Variants in GALNTL6 observed in about 807,000 individuals in gnomAD.
GALNTL6 encodes polypeptide N-acetylgalactosaminyltransferase-like 6.
A neutral mutation model predicts 73.7 loss-of-function variants in GALNTL6; 46 were observed. That is an observed-to-expected ratio of 0.62 (90% CI 0.49 to 0.80). GALNTL6 has a LOEUF of 0.80. Among genes scored for constraint, GALNTL6 ranks in the 30% least tolerant of loss-of-function variants. The pLI is 0.00. For missense variants in GALNTL6, 604 were observed against 755.0 expected, an observed-to-expected ratio of 0.80 and a Z score of 2.34; for synonymous variants, 259 against 263.7, an observed-to-expected ratio of 0.98 and a Z score of 0.17.
At chr4:172,740,400 G>A (rs999190754) in intron 5 of GALNTL6, among the ~76,000 whole-genome samples, 7 of 152,188 alleles carry the variant, frequency 4.6e-5, no homozygotes, top group African/African-American at 1.7e-4. Context: ...TTTGTGAAAA[G>A]TCATCGTGTT....
intron 5 of GALNTL6, among the ~76,000 whole-genome samples, chr4:172,627,436 G>A (rs1468198228): frequency 1.3e-5 from 2 of 151,766 alleles, no homozygotes; most frequent in Admixed American, 1.3e-4. Context: ...TTATCGGGAT[G>A]TTGGCCTGTG....
At chr4:172,908,261 G>A (rs1033093663) in intron 8 of GALNTL6, among the ~76,000 whole-genome samples, 1 of 152,140 alleles carries the variant, frequency 6.6e-6, no homozygotes. Context: ...CATGGAAAGA[G>A]AAGTCATGAA....
At chr4:172,349,549 T>A (rs1473468866) in intron 5 of GALNTL6, among the ~76,000 whole-genome samples, 2 of 152,256 alleles carry the variant, frequency 1.3e-5, no homozygotes, top group East Asian at 3.9e-4. Context: ...AACATCTTTT[T>A]TTCATAGTAT....
intron 2 of GALNTL6, among the ~76,000 whole-genome samples, chr4:172,039,068 A>G (rs1219236039): frequency 6.6e-6 from 1 of 152,118 alleles, no homozygotes; most frequent in African/African-American, 2.4e-5. Context: ...GGCTCCACTA[A>G]TTGTTCTATC....
chr4:172,883,096 C>A (rs1579606334), intron 8 of GALNTL6, among the ~76,000 whole-genome samples, 189 bp downstream of exon 8: 1 of 152,218 alleles, frequency 6.6e-6, no homozygotes, highest in South Asian at 2.1e-4. Flanking sequence ...GATATACAAT[C>A]ATTATACATA....
intron 4 of GALNTL6, among the ~76,000 whole-genome samples, chr4:172,338,788 G>A (rs1473194558): frequency 6.6e-6 from 1 of 152,160 alleles, no homozygotes; most frequent in Non-Finnish European, 1.5e-5. Flanking sequence ...TCTGCCTAAA[G>A]GTTACCTGAA....
chr4:172,990,039 C>T (rs533341011), intron 10 of GALNTL6, among the ~76,000 whole-genome samples: 1 of 152,290 alleles, frequency 6.6e-6, no homozygotes, highest in African/African-American at 2.4e-5. Context: ...AGGTCAGGAA[C>T]TCTGTACAGG....
chr4:171,836,787 T>C (rs1158621014), intron 2 of GALNTL6, among the ~76,000 whole-genome samples: 1 of 152,046 alleles, frequency 6.6e-6, no homozygotes, highest in East Asian at 1.9e-4. Flanking sequence ...TGATGGAAGA[T>C]GGTTTAAATA....
chr4:172,614,223 A>C (rs2111055719), intron 5 of GALNTL6, among the ~76,000 whole-genome samples: 1 of 152,232 alleles, frequency 6.6e-6, no homozygotes, highest in South Asian at 2.1e-4. Context: ...ATAGAGTGAT[A>C]GGTAGATAAC....
At chr4:171,907,173 G>T (rs1021843786) in intron 2 of GALNTL6, among the ~76,000 whole-genome samples, 1 of 151,896 alleles carries the variant, frequency 6.6e-6, no homozygotes, top group Non-Finnish European at 1.5e-5. Flanking sequence ...GGAAATAAAG[G>T]GTATTCAATT....
intron 9 of GALNTL6, among the ~76,000 whole-genome samples, chr4:172,933,084 A>C (rs569693014): frequency 3.3e-5 from 5 of 152,364 alleles, no homozygotes; most frequent in Admixed American, 2.6e-4. Context: ...AAGACATATG[A>C]ATCAGAAAAC....
intron 5 of GALNTL6, among the ~76,000 whole-genome samples, chr4:172,426,590 G>A (rs1731238520): frequency 6.6e-6 from 1 of 152,150 alleles, no homozygotes; most frequent in African/African-American, 2.4e-5. Context: ...GAAGAGAGAT[G>A]CTGAACAGAA....
intron 2 of GALNTL6, among the ~76,000 whole-genome samples, chr4:172,109,075 C>A (rs1732774882): frequency 1.4e-5 from 2 of 145,964 alleles, no homozygotes; most frequent in Non-Finnish European, 3.0e-5. Flanking sequence ...GGGTTTTTCT[C>A]ATATTATGTC....
rs1488306814 is a variant in GALNTL6, at chr4:173,040,540, T to C, written c.*440T>C. On this transcript the variant is annotated 3_prime_UTR_variant, in exon 13 of 13. Transcript: ENST00000506823. Reference sequence around the variant, plus strand: ...AACTAGCCAAGCTTAAGGGGTGAGCTGTACTCTTTGGTGCCATTCTCTGAC... The same window carrying C: ...AACTAGCCAAGCTTAAGGGGTGAGCCGTACTCTTTGGTGCCATTCTCTGAC... The C allele has an allele frequency of 6.3e-6, 1 of 158,094 alleles. No individual in the cohort carries two copies. The highest frequency in any genetic ancestry group is 2.4e-5 in the African/African-American group (1 of 41,500). The allele number at this position is 158,094 out of a possible 1,614,324, so 9.8% of individuals were successfully genotyped here.
Position 172,931,167 on chromosome 4 carries a change from A to C in GALNTL6, c.1048A>C (p.Met350Leu). The change falls in exon 9 of 13, where the codon ATG becomes CTG. Residue 350 changes from methionine (M) to leucine (L), a missense_variant. By Grantham distance (15) the Met-to-Leu change is conservative. Coordinates refer to ENST00000506823, the MANE Select transcript of GALNTL6 (RefSeq NM_001034845.3). ...EQYEISFKVW[M>L]CGGEMFDVPC... is the part of the protein sequence containing the mutation. The stretch of plus-strand genomic sequence containing the variant: ...TCTATTTTTCCCTCTTCAGGTTTGG[A>C]TGTGTGGAGGAGAAATGTTTGATGT... 1 of 1,582,158 alleles carries C rather than the reference A, an allele frequency of 6.3e-7. No homozygotes were observed. The highest frequency in any genetic ancestry group is 8.7e-7 in the Non-Finnish European group (1 of 1,151,078).
chr4:172,365,799 G>A (rs1742538645), intron 5 of GALNTL6, among the ~76,000 whole-genome samples: 1 of 151,912 alleles, frequency 6.6e-6, no homozygotes, highest in East Asian at 1.9e-4. Flanking sequence ...TGTTAATTTG[G>A]TAACCTTGAC....
chr4:172,623,125 T>G (rs1739029104), intron 5 of GALNTL6, among the ~76,000 whole-genome samples: 1 of 152,048 alleles, frequency 6.6e-6, no homozygotes, highest in Non-Finnish European at 1.5e-5. Context: ...GGATAAAGGC[T>G]AAATCCTTAT....
intron 5 of GALNTL6, among the ~76,000 whole-genome samples, chr4:172,405,439 ATATATTTTTTTT>A (rs1744199858): frequency 4.7e-4 from 1 of 2,136 alleles, no homozygotes; most frequent in Non-Finnish European, 9.4e-4. Context: ...ATATATATAT[ATATATTTTTTTT>A]TTTTTTTTTT....
chr4:172,452,608 C>T (rs774444545), intron 5 of GALNTL6, among the ~76,000 whole-genome samples: 1 of 152,108 alleles, frequency 6.6e-6, no homozygotes, highest in Non-Finnish European at 1.5e-5. Flanking sequence ...TGAAGCTGCT[C>T]CTATGAGTTT....
Sources: gnomAD v4.1 joint callset for allele counts (sites outside exome capture counted in the v4.1 genomes callset) on GRCh38, gnomAD v4.1.1 for gene constraint, MANE v1.5 for transcripts, NCBI Gene and HGNC (gene_info 2026-07-23, HGNC 2026-07-21) for gene names.